The following TRAPPC9 variants were observed in gnomAD, a reference collection of about 807,000 sequenced individuals.
TRAPPC9 encodes IKK2 binding protein.
TRAPPC9 carries 83 observed loss-of-function variants against 124.0 expected under a neutral mutation model. The ratio of observed to expected loss-of-function variants is 0.67; its 90% CI spans 0.56 to 0.80. The LOEUF (loss-of-function observed/expected upper bound fraction) is 0.80. TRAPPC9 is among the 30% of genes least tolerant of loss of function. The probability of loss-of-function intolerance (pLI) is 0.00; values close to 1 mark genes in which losing one functional copy is unlikely to be tolerated. For missense variants in TRAPPC9, 1,302 were observed against 1,508.3 expected (o/e 0.86, Z 2.27); for synonymous variants, 638 against 617.5 (o/e 1.03, Z -0.49).
At chr8:140,076,706 C>T (rs778026657) in intron 17 of TRAPPC9, among the ~76,000 whole-genome samples, 9 of 152,204 alleles carry the variant, frequency 5.9e-5, no homozygotes, top group South Asian at 2.1e-4. Flanking sequence ...TTGGCATCGG[C>T]GCCTACTGTC....
chr8:140,307,022 T>C (rs191350947), intron 10 of TRAPPC9, among the ~76,000 whole-genome samples: 273 of 152,278 alleles, frequency 1.8e-3, no homozygotes, highest in African/African-American at 6.4e-3. Context: ...TTAGGGGAAC[T>C]ACACACGGTC....
intron 19 of TRAPPC9, among the ~76,000 whole-genome samples, chr8:139,913,161 T>G (rs1831863845): frequency 6.6e-6 from 1 of 152,220 alleles, no homozygotes; most frequent in African/African-American, 2.4e-5. Flanking sequence ...AATTTCTGGT[T>G]GAGTAATCAT....
chr8:139,760,012 G>A (rs1168505360), intron 21 of TRAPPC9, among the ~76,000 whole-genome samples: 3 of 152,234 alleles, frequency 2.0e-5, no homozygotes, highest in Non-Finnish European at 4.4e-5. Context: ...GCACACGCCC[G>A]TCATGTCTGA....
intron 1 of TRAPPC9, among the ~76,000 whole-genome samples, chr8:140,456,391 G>A (rs1167309098): frequency 2.0e-5 from 3 of 146,718 alleles, no homozygotes; most frequent in Non-Finnish European, 3.0e-5. Flanking sequence ...CAGCCCAGGC[G>A]ACAGTGCGAG....
intron 17 of TRAPPC9, among the ~76,000 whole-genome samples, chr8:140,111,025 G>A (rs527683703): frequency 1.3e-3 from 179 of 142,796 alleles, no homozygotes; most frequent in African/African-American, 4.4e-3. Context: ...TCTACCTGGA[G>A]GGTCCAAAGT....
intron 21 of TRAPPC9, among the ~76,000 whole-genome samples, chr8:139,798,759 C>T (rs73362191): frequency 0.019 from 2,886 of 152,326 alleles, 92 homozygotes; most frequent in African/African-American, 0.066. Context: ...CTGAGAAATA[C>T]TCTTGCATCA....
chr8:139,985,732 C>T (rs1272474734), intron 19 of TRAPPC9, among the ~76,000 whole-genome samples: 2 of 152,100 alleles, frequency 1.3e-5, no homozygotes, highest in Non-Finnish European at 2.9e-5. Flanking sequence ...GACATTCATG[C>T]GTGTCATTAA....
At chr8:140,062,017 G>A (rs1201087716) in intron 17 of TRAPPC9, among the ~76,000 whole-genome samples, 2 of 152,170 alleles carry the variant, frequency 1.3e-5, no homozygotes, top group African/African-American at 4.8e-5. Flanking sequence ...TTCCCTCGCA[G>A]GTGTGCGCAC....
intron 11 of TRAPPC9, among the ~76,000 whole-genome samples, chr8:140,294,372 C>G (rs1234773177): frequency 6.6e-6 from 1 of 152,070 alleles, no homozygotes; most frequent in Non-Finnish European, 1.5e-5. Context: ...TGGTCAGCAT[C>G]CCAGACCACT....
chr8:139,940,588 G>T (rs1833849289), intron 19 of TRAPPC9, among the ~76,000 whole-genome samples: 1 of 152,218 alleles, frequency 6.6e-6, no homozygotes, highest in South Asian at 2.1e-4. Context: ...CACAGGCCTG[G>T]GCTCAAAGGT....
chr8:139,946,879 C>T (rs1160853408), intron 19 of TRAPPC9, among the ~76,000 whole-genome samples: 1 of 151,762 alleles, frequency 6.6e-6, no homozygotes, highest in Non-Finnish European at 1.5e-5. Context: ...CCCAGCTACT[C>T]GGGAGGCTGA....
chr8:140,142,648 C>T (rs1444646424), intron 17 of TRAPPC9, among the ~76,000 whole-genome samples: 2 of 152,246 alleles, frequency 1.3e-5, no homozygotes, highest in Middle Eastern at 3.2e-3. Context: ...CCCACTTTTA[C>T]ACTCCAGGGA....
chr8:140,298,623 G>T (rs2065878040), intron 11 of TRAPPC9, among the ~76,000 whole-genome samples: 1 of 151,828 alleles, frequency 6.6e-6, no homozygotes, highest in Non-Finnish European at 1.5e-5. Flanking sequence ...CTGCACTTCA[G>T]CCTGGGTGAC....
At chr8:140,334,593 T>A (rs1011637367) in intron 9 of TRAPPC9, among the ~76,000 whole-genome samples, 1 of 151,868 alleles carries the variant, frequency 6.6e-6, no homozygotes, top group Non-Finnish European at 1.5e-5. Flanking sequence ...GAGGTTGCAG[T>A]GAGCCGAGAT....
chr8:140,160,990 T>C (rs951393186), intron 17 of TRAPPC9, among the ~76,000 whole-genome samples: 1 of 152,164 alleles, frequency 6.6e-6, no homozygotes, highest in African/African-American at 2.4e-5. Context: ...CCTGACTTCA[T>C]CAGAAGTGGC....
At chr8:140,158,484 G>A (rs1478649978) in intron 17 of TRAPPC9, among the ~76,000 whole-genome samples, 1 of 152,220 alleles carries the variant, frequency 6.6e-6, no homozygotes, top group African/African-American at 2.4e-5. Context: ...CAAGAGTGCT[G>A]GGAGTGAAGG....
chr8:139,822,058 A>G (rs572934048), intron 21 of TRAPPC9, among the ~76,000 whole-genome samples: 1 of 152,318 alleles, frequency 6.6e-6, no homozygotes, highest in East Asian at 1.9e-4. Context: ...TGGCTTTATT[A>G]GGGACCGTGG....
chr8:140,451,215 G>C lies in TRAPPC9; in HGVS notation c.159C>G (p.Leu53=), dbSNP rs112997540. 6.2e-7 allele frequency: 1 copy of C among 1,613,986 alleles called. No homozygotes were observed. Among genetic ancestry groups the C allele is most frequent in the Non-Finnish European group, 8.5e-7 (1 of 1,180,030 alleles). Reference sequence around the variant, plus strand: ...GGTAGTGGTGCCTGTAGCGGATGTAGAGGACTCGCTGGGAGTCCCGCACGC... The same window carrying C: ...GGTAGTGGTGCCTGTAGCGGATGTACAGGACTCGCTGGGAGTCCCGCACGC... ...QISVRDSQRV[L]YIRYRHHYPP... is the part of the protein sequence containing the mutation. Residue 53 remains leucine (L), a synonymous_variant, in exon 2 of 23, where the codon CTC becomes CTG. Coordinates refer to ENST00000438773, the MANE Select transcript of TRAPPC9 (RefSeq NM_001160372.4).
At chr8:140,093,923 T>C (rs1038099879) in intron 17 of TRAPPC9, among the ~76,000 whole-genome samples, 6 of 151,918 alleles carry the variant, frequency 3.9e-5, no homozygotes, top group Admixed American at 6.6e-5. Flanking sequence ...CCCCATGGAG[T>C]CCACACTGCA....
Sources: allele counts gnomAD v4.1 joint callset (sites outside exome capture counted in the v4.1 genomes callset), GRCh38; gene constraint gnomAD v4.1.1; transcripts MANE v1.5; gene names NCBI Gene and HGNC (gene_info 2026-07-23, HGNC 2026-07-21).